SORCS1: variants seen among roughly 807,000 people sequenced by gnomAD.
SORCS1 encodes the protein VPS10 domain-containing receptor SorCS1.
Under a neutral mutation model 146.1 loss-of-function variants are expected in SORCS1, and 60 were observed. The observed-to-expected ratio is 0.41, with a 90% CI of 0.33 to 0.51. The LOEUF is 0.51. Among genes scored for constraint, SORCS1 ranks in the 20% least tolerant of loss-of-function variants. The probability of loss-of-function intolerance (pLI) is 0.21; values close to 1 mark genes in which losing one functional copy is unlikely to be tolerated. For missense variants in SORCS1, 1,352 were observed against 1,487.6 expected (o/e 0.91, Z 1.50); for synonymous variants, 637 against 584.0 (o/e 1.09, Z -1.31).
intron 2 of SORCS1, among the ~76,000 whole-genome samples, chr10:106,926,788 C>A: frequency 6.7e-6 from 1 of 149,472 alleles, no homozygotes; most frequent in African/African-American, 2.5e-5. Context: ...GGGTCTCAAA[C>A]CATAGCCATT....
chr10:106,869,888 G>A (rs1397504676), intron 2 of SORCS1, among the ~76,000 whole-genome samples: 1 of 152,180 alleles, frequency 6.6e-6, no homozygotes, highest in African/African-American at 2.4e-5. Flanking sequence ...AATAGGAAAA[G>A]AGGGAGTCAA....
chr10:107,119,973 C>A (rs1485279872), intron 1 of SORCS1, among the ~76,000 whole-genome samples: 1 of 152,086 alleles, frequency 6.6e-6, no homozygotes, highest in African/African-American at 2.4e-5. Flanking sequence ...CTTAGAAAAG[C>A]TTTCCATGGT....
chr10:107,028,377 C>T lies in SORCS1; in HGVS notation c.559-71797G>A, dbSNP rs183673431. 1.3e-5 allele frequency among the ~76,000 whole-genome samples: 2 copies of T among 152,330 alleles called. 1 individual carries two copies. Among genetic ancestry groups the T allele is most frequent in the Admixed American group, 1.3e-4 (2 of 15,306 alleles). ...CACACTTGGGTTAGACTCCCATCTGCACCACTTCCTATTTCTGTAACCTTG... is the reference window on the plus strand; with the variant it reads ...CACACTTGGGTTAGACTCCCATCTGTACCACTTCCTATTTCTGTAACCTTG... On this transcript the variant is annotated intron_variant, in intron 1 of 25. Transcript: ENST00000263054.
chr10:106,756,128 C>CAAA (rs568777554), intron 5 of SORCS1, among the ~76,000 whole-genome samples: 123 of 145,380 alleles, frequency 8.5e-4, no homozygotes, highest in South Asian at 1.5e-3. Flanking sequence ...GACAATGTCT[C>CAAA]AAAAAAAAAA....
chr10:106,578,677 G>A (rs1470550278), intron 25 of SORCS1: 2 of 1,013,682 alleles, frequency 2.0e-6, no homozygotes, highest in East Asian at 9.4e-5. Flanking sequence ...ATCCAGTTGA[G>A]GCTACCATGT....
chr10:106,933,931 T>A lies in SORCS1; in HGVS notation c.626+22582A>T, dbSNP rs551348738. ...CAACATGGCGAAACCCCATCTCTAC[T>A]AAAAATACAAAAATTAGCTGAGCAT... On this transcript the variant is annotated intron_variant, in intron 2 of 25. Transcript: ENST00000263054. Among the ~76,000 whole-genome samples, 20 of 151,974 alleles carry A rather than the reference T, an allele frequency of 1.3e-4. No homozygotes were observed. In the South Asian group the frequency reaches 4.2e-3, roughly 32 times the overall value.
At chr10:106,643,361 CTG>C (rs1489333309) in intron 18 of SORCS1, among the ~76,000 whole-genome samples, 1 of 152,206 alleles carries the variant, frequency 6.6e-6, no homozygotes, top group Admixed American at 6.5e-5. Context: ...CAGAGACACT[CTG>C]TGTCTCTTCA....
intron 3 of SORCS1, among the ~76,000 whole-genome samples, chr10:106,815,690 G>A (rs191678172): frequency 6.6e-5 from 10 of 152,152 alleles, no homozygotes; most frequent in East Asian, 1.9e-4. Flanking sequence ...TATGGCTCTC[G>A]GGAATTTTTA....
chr10:106,857,546 G>A (rs914388440), intron 2 of SORCS1, among the ~76,000 whole-genome samples: 1 of 152,198 alleles, frequency 6.6e-6, no homozygotes, highest in Non-Finnish European at 1.5e-5. Context: ...TAGTGCATTT[G>A]GTGGCATAAA....
At chr10:106,648,024 C>G (rs540018221) in intron 18 of SORCS1, among the ~76,000 whole-genome samples, 1 of 147,976 alleles carries the variant, frequency 6.8e-6, no homozygotes, top group African/African-American at 2.6e-5. Flanking sequence ...CACGACACCA[C>G]GCCTGGCTAT....
intron 2 of SORCS1, among the ~76,000 whole-genome samples, chr10:106,903,355 G>C (rs1323463691): frequency 2.0e-5 from 3 of 152,172 alleles, no homozygotes; most frequent in African/African-American, 7.2e-5. Context: ...CATACATCTG[G>C]TAATGAATTG....
chr10:106,639,119 A>C (rs530265112), intron 18 of SORCS1, among the ~76,000 whole-genome samples: 219 of 152,316 alleles, frequency 1.4e-3, no homozygotes, highest in Non-Finnish European at 2.5e-3. Context: ...GACCAGCTTG[A>C]GGACTGAGCG....
chr10:107,000,474 G>C (rs1355276563), intron 1 of SORCS1, among the ~76,000 whole-genome samples: 1 of 152,006 alleles, frequency 6.6e-6, no homozygotes, highest in Non-Finnish European at 1.5e-5. Flanking sequence ...GGGCGTGGTG[G>C]CACGCGCCTG....
At chr10:106,816,723 T>C (rs12246594) in intron 3 of SORCS1, among the ~76,000 whole-genome samples, 1 of 152,118 alleles carries the variant, frequency 6.6e-6, no homozygotes, top group East Asian at 1.9e-4. Context: ...ATACATTTTC[T>C]TTTGCAGGTC....
At position 106,622,836 on chromosome 10, in the gene SORCS1, C is replaced by A. The variant is rs570407440; in HGVS notation, c.2663-2275G>T. On this transcript the variant is annotated intron_variant, in intron 19 of 25. Transcript: ENST00000263054. ...TACAGCTAGGAAAGCAGTTTGGTTT[C>A]AGAGCCCTTGTTCTGAGCAGATGGA... Among the ~76,000 whole-genome samples the A allele has an allele frequency of 4.6e-5, 7 of 152,300 alleles. No homozygotes were observed. In the South Asian group the frequency reaches 1.4e-3, roughly 32 times the overall value.
rs1172280525 is a variant in SORCS1 at position 106,777,990 on chromosome 10, AAGAG to A, written c.727-1302_727-1299del. 3.9e-5 allele frequency among the ~76,000 whole-genome samples: 6 copies of A among 152,152 alleles called. No individual in the cohort carries two copies. The East Asian group carries it at 1.2e-3, about 29-fold the overall frequency. On this transcript the variant is annotated intron_variant, in intron 3 of 25. Coordinates refer to ENST00000263054, the MANE Select transcript of SORCS1 (RefSeq NM_052918.5). ...AGCTGAGGATGCTGCACTTCCAAGAAAGAGAGAGAGAGGGGAATAGAATCATATC... is the reference window on the plus strand; with the variant it reads ...AGCTGAGGATGCTGCACTTCCAAGAAAGAGAGAGGGGAATAGAATCATATC...
intron 1 of SORCS1, among the ~76,000 whole-genome samples, chr10:107,022,098 T>C (rs965027195): frequency 2.0e-5 from 3 of 152,042 alleles, no homozygotes; most frequent in Non-Finnish European, 4.4e-5. Flanking sequence ...ATTTCCAGGA[T>C]GGAGGAGGAT....
upstream of SORCS1, among the ~76,000 whole-genome samples, chr10:107,165,598 G>A (rs1970027214): frequency 1.3e-5 from 2 of 152,132 alleles, no homozygotes; most frequent in Non-Finnish European, 2.9e-5. This position sits in a 1 kb window ranked among gnomAD's most constrained non-coding sequence, Gnocchi z 4.0. Context: ...CCCTACATGG[G>A]AGGAAATCTG....
At chr10:106,965,073 C>T (rs1281239849) in intron 1 of SORCS1, among the ~76,000 whole-genome samples, 1 of 151,900 alleles carries the variant, frequency 6.6e-6, no homozygotes, top group Non-Finnish European at 1.5e-5. Context: ...TTTAGCCCAA[C>T]AATGTCATCA....
Sources: gnomAD v4.1 joint callset for allele counts (sites outside exome capture counted in the v4.1 genomes callset) on GRCh38, gnomAD v4.1.1 for gene constraint, Gnocchi (gnomAD v3.1) non-coding constraint, MANE v1.5 for transcripts, NCBI Gene and HGNC (gene_info 2026-07-23, HGNC 2026-07-21) for gene names.